The following CDC37L1 variants were observed in gnomAD, a reference collection of about 807,000 sequenced individuals.
The protein encoded by CDC37L1 is hsp90 co-chaperone Cdc37-like 1.
CDC37L1 carries 32 observed loss-of-function variants against 45.9 expected under a neutral mutation model. The ratio of observed to expected loss-of-function variants is 0.70; its 90% CI spans 0.53 to 0.94. The LOEUF (loss-of-function observed/expected upper bound fraction) is 0.94, where lower values mean the gene tolerates loss of function less well. CDC37L1 is among the 40% of genes least tolerant of loss of function. CDC37L1 has a pLI of 0.00. For missense variants in CDC37L1, 434 were observed against 405.7 expected (o/e 1.07, Z -0.60); for synonymous variants, 150 against 133.0 (o/e 1.13, Z -0.88).
chr9:4,690,439 A>G (rs1841289814), intron 3 of CDC37L1, among the ~76,000 whole-genome samples: 1 of 152,160 alleles, frequency 6.6e-6, no homozygotes, highest in South Asian at 2.1e-4. Flanking sequence ...TTTCGCTACT[A>G]GTAAATTAGG....
At chr9:4,687,430 G>GCCTATAAT (rs1362006112) in intron 2 of CDC37L1, among the ~76,000 whole-genome samples, 1 of 152,090 alleles carries the variant, frequency 6.6e-6, no homozygotes, top group African/African-American at 2.4e-5. Context: ...TATAATCCCA[G>GCCTATAAT]CACGTTGGAA....
At chr9:4,688,144 C>A (rs983364040) in intron 2 of CDC37L1, among the ~76,000 whole-genome samples, 1 of 152,146 alleles carries the variant, frequency 6.6e-6, no homozygotes, top group Non-Finnish European at 1.5e-5. Flanking sequence ...GGATTACAGG[C>A]ATCCACCACC....
intron 3 of CDC37L1, among the ~76,000 whole-genome samples, chr9:4,692,857 A>G (rs149242759): frequency 1.1e-3 from 164 of 152,292 alleles, no homozygotes; most frequent in African/African-American, 3.9e-3. Flanking sequence ...TTGATGTGGG[A>G]GAAATGGAAA....
At chr9:4,692,964 A>G (rs1378212220) in intron 3 of CDC37L1, among the ~76,000 whole-genome samples, 1 of 152,184 alleles carries the variant, frequency 6.6e-6, no homozygotes, top group Non-Finnish European at 1.5e-5. Flanking sequence ...GTTTCAAGTA[A>G]GATGGGTTTA....
In CDC37L1 at chr9:4,697,250, T is replaced by C. The variant is rs12006145; in HGVS notation, c.624+39T>C. The C allele has an allele frequency of 5.6e-3, 5,056 of 898,540 alleles. 153 individuals carry two copies. In the African/African-American group the frequency reaches 0.071, roughly 13 times the overall value. The allele number at this position is 898,540 out of a possible 1,614,324, so 55.7% of individuals were successfully genotyped here. On this transcript the variant is annotated intron_variant, in intron 4 of 6. Transcript: ENST00000381854. ...AACCTTGAGTTTCTGGGAACCTTAGTGGAAATCTGATTTCATACTTTATTG... is the reference window on the plus strand; with the variant it reads ...AACCTTGAGTTTCTGGGAACCTTAGCGGAAATCTGATTTCATACTTTATTG...
chr9:4,698,012 A>C, intron 5 of CDC37L1, 133 bp downstream of exon 5: 1 of 774,190 alleles, frequency 1.3e-6, no homozygotes, highest in Non-Finnish European at 2.1e-6. Context: ...TTGTGAAAAG[A>C]AAATTTATAT....
In CDC37L1 at chr9:4,706,047, C is replaced by T. The variant is rs1193922504; in HGVS notation, c.949C>T (p.Leu317Phe). The T allele has an allele frequency of 3.1e-6, 5 of 1,601,362 alleles. No individual in the cohort carries two copies. The highest frequency in any genetic ancestry group is 2.7e-5 in the African/African-American group (2 of 74,636). Residue 317 changes from leucine (L) to phenylalanine (F), a missense_variant, in exon 7 of 7, where the codon CTC becomes TTC. Transcript: ENST00000381854. ...DYLQYSISTA[L>F]CSLNSVVHKE... ...TCTTCAGTATTCTATCAGTACAGCT[C>T]TCTGCAGCTTAAACTCGGTGGTACA...
intron 1 of CDC37L1, among the ~76,000 whole-genome samples, chr9:4,681,556 A>G: frequency 6.6e-6 from 1 of 152,118 alleles, no homozygotes; most frequent in East Asian, 1.9e-4. Context: ...AGGCAGGAGA[A>G]TTGTTGGAGG....
At chr9:4,682,159 C>CTTTTTTTTTTTTTTTTTTTTT (rs1563766411) in intron 1 of CDC37L1, among the ~76,000 whole-genome samples, 1 of 48,466 alleles carries the variant, frequency 2.1e-5, no homozygotes, top group African/African-American at 1.7e-4. Flanking sequence ...ATTATCCTTT[C>CTTTTTTTTTTTTTTTTTTTTT]TCTTTTTTTT....
At chr9:4,697,618 C>T in intron 4 of CDC37L1, 139 bp from the exon 5 acceptor site, 1 of 554,104 alleles carries the variant, frequency 1.8e-6, no homozygotes, top group Non-Finnish European at 3.1e-6. Flanking sequence ...AAGATATACT[C>T]TTTATATGTT....
rs891818465 is a variant in CDC37L1 at position 4,707,629 on chromosome 9, A to G, written c.*1517A>G. ...TAAACGTTTTTGTGCTTTTGATATA[A>G]ATATATACTCTATAATAAAATGTTT... On this transcript the variant is annotated 3_prime_UTR_variant, in exon 7 of 7. Coordinates refer to ENST00000381854, the MANE Select transcript of CDC37L1 (RefSeq NM_017913.4). The G allele has an allele frequency of 2.0e-5, 3 of 152,058 alleles. No homozygotes were observed. Among genetic ancestry groups the G allele is most frequent in the Non-Finnish European group, 4.4e-5 (3 of 67,998 alleles). The allele number at this position is 152,058 out of a possible 1,614,324, so 9.4% of individuals were successfully genotyped here. A position where few individuals can be genotyped will look rare whatever the true frequency, so the allele number is the denominator to read the frequency against.
chr9:4,691,281 G>C (rs1384773248), intron 3 of CDC37L1, among the ~76,000 whole-genome samples: 1 of 152,134 alleles, frequency 6.6e-6, no homozygotes, highest in East Asian at 1.9e-4. Flanking sequence ...ACATCACCCA[G>C]GTATTAAGCC....
In CDC37L1 at chr9:4,706,980, C is replaced by A. The variant is rs1045200187; in HGVS notation, c.*868C>A. 3 of 151,938 alleles carry A rather than the reference C, an allele frequency of 2.0e-5. No homozygotes were observed. Among genetic ancestry groups the A allele is most frequent in the South Asian group, 2.1e-4 (1 of 4,810 alleles). 9.4% of individuals were successfully genotyped at this position (151,938 alleles called of 1,614,324 possible). The stretch of plus-strand genomic sequence containing the variant: ...ATTTGTAGTTATTTTACTCATGTTG[C>A]CTTTTAATTTTTGTTATTTTGGTTT... On this transcript the variant is annotated 3_prime_UTR_variant, in exon 7 of 7. Coordinates refer to ENST00000381854, the MANE Select transcript of CDC37L1 (RefSeq NM_017913.4).
In CDC37L1 at chr9:4,707,201, C is replaced by A. The variant is rs1473695164; in HGVS notation, c.*1089C>A. 1 of 151,562 alleles carries A rather than the reference C, an allele frequency of 6.6e-6. No homozygotes were observed. The highest frequency in any genetic ancestry group is 1.9e-4 in the East Asian group (1 of 5,196). The allele number at this position is 151,562 out of a possible 1,614,324, so 9.4% of individuals were successfully genotyped here. On this transcript the variant is annotated 3_prime_UTR_variant, in exon 7 of 7. Coordinates refer to ENST00000381854, the MANE Select transcript of CDC37L1 (RefSeq NM_017913.4). The stretch of plus-strand genomic sequence containing the variant: ...TCAGCTCAGTTACCATAGAATACTT[C>A]CAAGCTTTACTACTTCCTCTGTAAG...
In CDC37L1 at chr9:4,697,018, T is replaced by G. The variant is rs1255524970; in HGVS notation, c.509-78T>G. On this transcript the variant is annotated intron_variant, in intron 3 of 6. Coordinates refer to ENST00000381854, the MANE Select transcript of CDC37L1 (RefSeq NM_017913.4). ...AAATACCATTGAGAGATTAATGAAT[T>G]AAGAATGGTTGGTATTTCTTCCCTT... The G allele has an allele frequency of 4.4e-6, 3 of 681,870 alleles. No homozygotes were observed. The Admixed American group carries it at 7.7e-5, about 17-fold the overall frequency. 42.2% of individuals were successfully genotyped at this position (681,870 alleles called of 1,614,324 possible).
chr9:4,680,141 G>A lies in CDC37L1; in HGVS notation c.132+242G>A, dbSNP rs540621540. On this transcript the variant is annotated intron_variant, in intron 1 of 6. Coordinates refer to ENST00000381854, the MANE Select transcript of CDC37L1 (RefSeq NM_017913.4). ...CACGCACATGTTTTCTTTCGCCTTGGCTGATTCCTGTTCACTCTTGGAATA... is the reference window on the plus strand; with the variant it reads ...CACGCACATGTTTTCTTTCGCCTTGACTGATTCCTGTTCACTCTTGGAATA... Among the ~76,000 whole-genome samples, 18 of 152,294 alleles carry A rather than the reference G, an allele frequency of 1.2e-4. No individual in the cohort carries two copies. The South Asian group carries it at 3.3e-3, about 28-fold the overall frequency.
At chr9:4,701,376 G>T (rs914742925) in intron 5 of CDC37L1, among the ~76,000 whole-genome samples, 1 of 152,160 alleles carries the variant, frequency 6.6e-6, no homozygotes, top group African/African-American at 2.4e-5. Context: ...TTTGGTTTTC[G>T]TAGCTCTTTT....
At chr9:4,699,158 T>G (rs908138070) in intron 5 of CDC37L1, among the ~76,000 whole-genome samples, 1 of 152,188 alleles carries the variant, frequency 6.6e-6, no homozygotes, top group Non-Finnish European at 1.5e-5. Context: ...TGTACTAGAT[T>G]GCCGTAATGT....
In CDC37L1 at chr9:4,704,949, C is replaced by T. The variant is rs191418017; in HGVS notation, c.913-1062C>T. On this transcript the variant is annotated intron_variant, in intron 6 of 6. Coordinates refer to ENST00000381854, the MANE Select transcript of CDC37L1 (RefSeq NM_017913.4). The stretch of plus-strand genomic sequence containing the variant: ...AATAGAGGCAGGATTAAAACTGAAG[C>T]CCAGTGTGAGTGTCCCAGACCTCAG... 4.8e-3 allele frequency among the ~76,000 whole-genome samples: 738 copies of T among 152,232 alleles called. 5 individuals carry two copies. Among genetic ancestry groups the T allele is most frequent in the Middle Eastern group, 0.027 (8 of 294 alleles).
Sources: gnomAD v4.1 joint callset for allele counts (sites outside exome capture counted in the v4.1 genomes callset) on GRCh38, gnomAD v4.1.1 for gene constraint, MANE v1.5 for transcripts, NCBI Gene and HGNC (gene_info 2026-07-23, HGNC 2026-07-21) for gene names.